Variants in REEP3 observed in about 807,000 individuals in gnomAD.
REEP3 encodes receptor expression-enhancing protein 3.
A neutral mutation model predicts 41.3 loss-of-function variants in REEP3; 20 were observed. That is an observed-to-expected ratio of 0.48 (90% CI 0.34 to 0.70). The LOEUF (loss-of-function observed/expected upper bound fraction) is 0.70. Among genes scored for constraint, REEP3 ranks in the 30% least tolerant of loss-of-function variants. The pLI is 0.01. For missense variants in REEP3, 271 were observed against 308.8 expected, an observed-to-expected ratio of 0.88 and a Z score of 0.92; for synonymous variants, 104 against 101.8, an observed-to-expected ratio of 1.02 and a Z score of -0.13.
At chr10:63,619,289 G>C (rs992042540) in intron 6 of REEP3, among the ~76,000 whole-genome samples, 1 of 152,144 alleles carries the variant, frequency 6.6e-6, no homozygotes, top group Non-Finnish European at 1.5e-5. Flanking sequence ...TGCTTGGGTT[G>C]AATTCATGAA....
At chr10:63,556,634 G>GTT (rs370073734) in intron 1 of REEP3, among the ~76,000 whole-genome samples, 2 of 78,554 alleles carry the variant, frequency 2.5e-5, no homozygotes, top group African/African-American at 9.0e-5. Flanking sequence ...TTGTTGTTTT[G>GTT]TTTTTTTTTT....
intron 2 of REEP3, among the ~76,000 whole-genome samples, chr10:63,589,728 G>C (rs959075938): frequency 3.4e-5 from 5 of 147,266 alleles, no homozygotes; most frequent in Non-Finnish European, 7.5e-5. Flanking sequence ...CCAAATATTG[G>C]GATTTTGACC....
At chr10:63,559,238 A>T (rs1955719266) in intron 1 of REEP3, among the ~76,000 whole-genome samples, 1 of 152,198 alleles carries the variant, frequency 6.6e-6, no homozygotes, top group Admixed American at 6.5e-5. Context: ...TCAGAAATTA[A>T]TTATTAACAC....
At chr10:63,592,431 GGTTTTTT>G (rs1956072824) in intron 2 of REEP3, among the ~76,000 whole-genome samples, 1 of 152,052 alleles carries the variant, frequency 6.6e-6, no homozygotes, top group Non-Finnish European at 1.5e-5. Flanking sequence ...GTATTTACAG[GGTTTTTT>G]GTTTTTTGTT....
intron 2 of REEP3, among the ~76,000 whole-genome samples, chr10:63,575,560 A>AT (rs965653580): frequency 2.5e-4 from 37 of 148,898 alleles, no homozygotes; most frequent in East Asian, 3.9e-4. Context: ...TGGTTTTCCA[A>AT]TTTTTTTTTT....
At chr10:63,566,902 T>A (rs1269968386) in intron 2 of REEP3, among the ~76,000 whole-genome samples, 2 of 152,200 alleles carry the variant, frequency 1.3e-5, no homozygotes, top group Non-Finnish European at 2.9e-5. Flanking sequence ...TTGCTTTGAT[T>A]TGCGATGAGT....
intron 5 of REEP3, among the ~76,000 whole-genome samples, chr10:63,603,202 A>G (rs767846179): frequency 1.0e-3 from 155 of 150,722 alleles, no homozygotes; most frequent in African/African-American, 2.9e-3. Context: ...AGTCCCAGCA[A>G]CTCGGGAGGC....
intron 2 of REEP3, among the ~76,000 whole-genome samples, chr10:63,572,033 T>C (rs191380141): frequency 4.7e-4 from 72 of 152,244 alleles, no homozygotes; most frequent in Non-Finnish European, 8.1e-4. Flanking sequence ...GCCACGGCCA[T>C]ATAGATATTT....
At chr10:63,554,375 T>G (rs571360309) in intron 1 of REEP3, among the ~76,000 whole-genome samples, 23 of 151,160 alleles carry the variant, frequency 1.5e-4, no homozygotes, top group African/African-American at 5.6e-4. Context: ...GTCTCAGATA[T>G]TTTTTTTATA....
At chr10:63,567,783 T>A (rs1366361533) in intron 2 of REEP3, among the ~76,000 whole-genome samples, 1 of 152,172 alleles carries the variant, frequency 6.6e-6, no homozygotes, top group East Asian at 1.9e-4. Flanking sequence ...TCATTATTCT[T>A]TATATTTTCA....
At chr10:63,588,264 C>T (rs1956026124) in intron 2 of REEP3, among the ~76,000 whole-genome samples, 1 of 152,098 alleles carries the variant, frequency 6.6e-6, no homozygotes, top group African/African-American at 2.4e-5. Context: ...TTCTTGAGCC[C>T]ACTCTTTTCC....
chr10:63,593,801 A>G (rs1409563445), intron 2 of REEP3, among the ~76,000 whole-genome samples: 1 of 152,204 alleles, frequency 6.6e-6, no homozygotes, highest in African/African-American at 2.4e-5. Context: ...CCTGACTCAG[A>G]AGAGATTAAA....
chr10:63,587,494 G>T (rs576041263), intron 2 of REEP3, among the ~76,000 whole-genome samples: 5 of 152,170 alleles, frequency 3.3e-5, no homozygotes, highest in Non-Finnish European at 4.4e-5. Flanking sequence ...CTTATACTGC[G>T]GTAGGCTAAG....
intron 2 of REEP3, among the ~76,000 whole-genome samples, chr10:63,589,916 TC>T (rs1462477404): frequency 6.9e-6 from 1 of 145,396 alleles, no homozygotes; most frequent in African/African-American, 2.5e-5. Flanking sequence ...TGCCTCAGCC[TC>T]CCAAGTAGCT....
intron 1 of REEP3, among the ~76,000 whole-genome samples, chr10:63,528,089 C>G (rs2133337354): frequency 6.6e-6 from 1 of 152,150 alleles, no homozygotes; most frequent in African/African-American, 2.4e-5. Flanking sequence ...ACCATTTTCT[C>G]TTTTCTATTT....
intron 1 of REEP3, among the ~76,000 whole-genome samples, chr10:63,542,085 G>GTT (rs56908733): frequency 0.43 from 62,558 of 145,016 alleles, 13,957 homozygotes; most frequent in South Asian, 0.53. Context: ...TTTTGTTTTT[G>GTT]TTTTTTTTTT....
rs2133443507 is a variant in REEP3 at position 63,624,465 on chromosome 10, A to AT, written c.*3601dup. The AT allele has an allele frequency of 6.6e-6, 1 of 152,046 alleles. No homozygotes were observed. Among genetic ancestry groups the AT allele is most frequent in the East Asian group, 1.9e-4 (1 of 5,188 alleles). The allele number at this position is 152,046 out of a possible 1,614,324, so 9.4% of individuals were successfully genotyped here. On this transcript the variant is annotated 3_prime_UTR_variant, in exon 8 of 8. Transcript: ENST00000373758. Reference sequence around the variant, plus strand: ...TAGTTAAGAGAAAATAAGTTTGCAGATTTTTAATAATCTGTTTGTAAAAGG... The same window carrying AT: ...TAGTTAAGAGAAAATAAGTTTGCAGATTTTTTAATAATCTGTTTGTAAAAGG...
Position 63,621,430 on chromosome 10 carries a change from T to G in REEP3, c.*561T>G, listed in dbSNP as rs1392456383. 6.6e-6 allele frequency: 1 copy of G among 152,636 alleles called. No individual in the cohort carries two copies. The highest frequency in any genetic ancestry group is 1.5e-5 in the Non-Finnish European group (1 of 68,020). The allele number at this position is 152,636 out of a possible 1,614,324, so 9.5% of individuals were successfully genotyped here. ...TATTTGAAAACCAGGTATCCACACATAGCACTTTTATTCCTGACTAGTTTT... is the reference window on the plus strand; with the variant it reads ...TATTTGAAAACCAGGTATCCACACAGAGCACTTTTATTCCTGACTAGTTTT... On this transcript the variant is annotated 3_prime_UTR_variant, in exon 8 of 8. Transcript: ENST00000373758.
intron 5 of REEP3, among the ~76,000 whole-genome samples, chr10:63,609,495 C>T (rs186827709): frequency 8.6e-5 from 13 of 151,402 alleles, no homozygotes; most frequent in Non-Finnish European, 1.3e-4. Context: ...CTTAGTGGCT[C>T]ACATCTAAAA....
Sources: allele counts gnomAD v4.1 joint callset (sites outside exome capture counted in the v4.1 genomes callset), GRCh38; gene constraint gnomAD v4.1.1; transcripts MANE v1.5; gene names NCBI Gene and HGNC (gene_info 2026-07-23, HGNC 2026-07-21).